Variants in ASIC5 observed in about 807,000 individuals in gnomAD.
ASIC5 encodes the protein bile acid-sensitive ion channel.
In ASIC5, 52 loss-of-function variants were observed where a neutral mutation model predicts 51.2. The ratio of observed to expected loss-of-function variants is 1.02; its 90% CI spans 0.81 to 1.28. The LOEUF (loss-of-function observed/expected upper bound fraction) is 1.28. ASIC5 is among the 50% of genes most tolerant of loss of function. The probability of loss-of-function intolerance (pLI) is 0.00; values close to 1 mark genes in which losing one functional copy is unlikely to be tolerated. For synonymous variants in ASIC5, 231 were observed against 200.7 expected (o/e 1.15, Z -1.28); for missense variants, 635 against 595.0 (o/e 1.07, Z -0.70).
intron 6 of ASIC5, among the ~76,000 whole-genome samples, chr4:155,839,112 T>A (rs1741060068): frequency 6.6e-6 from 1 of 152,190 alleles, no homozygotes. Flanking sequence ...TCTGTCTATA[T>A]CACTCTAAAA....
Position 155,866,176 on chromosome 4 carries a change from T to A in ASIC5, c.40+11A>T. The A allele has an allele frequency of 6.3e-7, 1 of 1,577,158 alleles. No individual in the cohort carries two copies. Among genetic ancestry groups the A allele is most frequent in the Non-Finnish European group, 8.7e-7 (1 of 1,147,460 alleles). ...AATATTACTGCTCTGAGGAGTTCAC[T>A]CTTTACTCACCGTTCTCAGCATATA... On this transcript the variant is annotated intron_variant, in intron 1 of 9. Coordinates refer to ENST00000537611, the MANE Select transcript of ASIC5 (RefSeq NM_017419.3).
Position 155,843,831 on chromosome 4 carries a change from C to T in ASIC5, c.712-1G>A. On this transcript the variant is annotated splice_acceptor_variant, in intron 4 of 9. Transcript: ENST00000537611. LOFTEE classifies it high-confidence loss of function. Reference sequence around the variant, plus strand: ...GGGCTGGGTTATCAGTGAATGCCTCCTGAAACAAAAATATGTTTTTGCCCA... The same window carrying T: ...GGGCTGGGTTATCAGTGAATGCCTCTTGAAACAAAAATATGTTTTTGCCCA... 1 of 1,612,982 alleles carries T rather than the reference C, an allele frequency of 6.2e-7. No individual in the cohort carries two copies. The highest frequency in any genetic ancestry group is 1.1e-5 in the South Asian group (1 of 90,968).
chr4:155,856,196 C>T (rs964841093), intron 2 of ASIC5, among the ~76,000 whole-genome samples: 2 of 152,068 alleles, frequency 1.3e-5, no homozygotes, highest in Non-Finnish European at 2.9e-5. Flanking sequence ...TCTGAAGGCT[C>T]ATGTGTATAC....
At chr4:155,847,724 T>TA (rs572154753) in intron 4 of ASIC5, among the ~76,000 whole-genome samples, 10 of 150,992 alleles carry the variant, frequency 6.6e-5, no homozygotes, top group Admixed American at 2.0e-4. Flanking sequence ...TCTGTCTCAG[T>TA]AAAAAAAATA....
chr4:155,850,189 A>T (rs1336011656), intron 4 of ASIC5, among the ~76,000 whole-genome samples: 3 of 151,826 alleles, frequency 2.0e-5, no homozygotes, highest in Non-Finnish European at 4.4e-5. Context: ...CTCCCATTCT[A>T]TTTAAAGTTA....
intron 2 of ASIC5, among the ~76,000 whole-genome samples, chr4:155,859,433 G>A (rs1741637526): frequency 1.3e-5 from 2 of 151,838 alleles, no homozygotes; most frequent in African/African-American, 4.8e-5. Flanking sequence ...CATACACTTG[G>A]TATAGGGTCC....
At position 155,845,358 on chromosome 4, in the gene ASIC5, T is replaced by TA. The variant is rs200576490; in HGVS notation, c.712-1529_712-1528insT. Reference sequence around the variant, plus strand: ...AAAGGCCTTCAGGTTTTTGTGGGTTTTTTTTTTGTTTTTCTCTCCTAAGAC... The same window carrying TA: ...AAAGGCCTTCAGGTTTTTGTGGGTTTATTTTTTTGTTTTTCTCTCCTAAGAC... On this transcript the variant is annotated intron_variant, in intron 4 of 9. Coordinates refer to ENST00000537611, the MANE Select transcript of ASIC5 (RefSeq NM_017419.3). Among the ~76,000 whole-genome samples, 1,264 of 150,716 alleles carry TA rather than the reference T, an allele frequency of 8.4e-3. 13 individuals are homozygous for TA. Among genetic ancestry groups the TA allele is most frequent in the Middle Eastern group, 0.028 (8 of 290 alleles).
intron 3 of ASIC5, among the ~76,000 whole-genome samples, chr4:155,853,821 T>C (rs1741451464): frequency 6.6e-6 from 1 of 151,890 alleles, no homozygotes. Context: ...GTTTTTCTTT[T>C]GGAAGGACTA....
At chr4:155,855,300 A>C (rs1741504904) in intron 2 of ASIC5, 1 of 152,040 alleles carries the variant, frequency 6.6e-6, no homozygotes, top group African/African-American at 2.4e-5. Flanking sequence ...TAAAATTTTT[A>C]GACACCTGCC....
chr4:155,860,588 T>G (rs1741677145), intron 2 of ASIC5, among the ~76,000 whole-genome samples: 1 of 151,904 alleles, frequency 6.6e-6, no homozygotes, highest in African/African-American at 2.4e-5. Context: ...TAAACTGATA[T>G]TGTCTTAATT....
chr4:155,834,260 A>G (rs1740930455), intron 8 of ASIC5, among the ~76,000 whole-genome samples: 1 of 152,202 alleles, frequency 6.6e-6, no homozygotes, highest in African/African-American at 2.4e-5. Context: ...ATGAAGTAGC[A>G]TTTATTTCTG....
intron 2 of ASIC5, among the ~76,000 whole-genome samples, chr4:155,860,610 A>C (rs368350891): frequency 6.6e-6 from 1 of 152,008 alleles, no homozygotes; most frequent in South Asian, 2.1e-4. Flanking sequence ...TTTGTTCCCT[A>C]AGGAAGAATA....
At chr4:155,863,122 C>A (rs944625717) in intron 2 of ASIC5, among the ~76,000 whole-genome samples, 1 of 152,032 alleles carries the variant, frequency 6.6e-6, no homozygotes, top group Admixed American at 6.6e-5. Context: ...GCAGGTGGAT[C>A]GCTTCAGCCT....
At chr4:155,842,092 T>A in intron 6 of ASIC5, 115 bp downstream of exon 6, 1 of 998,496 alleles carries the variant, frequency 1.0e-6, no homozygotes, top group Non-Finnish European at 1.5e-6. Flanking sequence ...TTACACTTAA[T>A]AATACTTAAT....
chr4:155,831,785 G>A (rs373256316), intron 9 of ASIC5, 39 bp downstream of exon 9: 27 of 1,276,426 alleles, frequency 2.1e-5, no homozygotes, highest in Non-Finnish European at 2.7e-5. Flanking sequence ...AAATAAATAA[G>A]TAAATAAATA....
Position 155,838,880 on chromosome 4 carries a change from A to G in ASIC5, c.1010-11T>C. 1.3e-6 allele frequency: 2 copies of G among 1,505,536 alleles called. No individual in the cohort carries two copies. Among genetic ancestry groups the G allele is most frequent in the Admixed American group, 1.7e-5 (1 of 58,248 alleles). 93.3% of individuals were successfully genotyped at this position (1,505,536 alleles called of 1,614,324 possible). On this transcript the variant is annotated splice_polypyrimidine_tract_variant and intron_variant, in intron 6 of 9. Transcript: ENST00000537611. ...ATTCTATCCCATATCCTTAAAAATA[A>G]TAAGTGTAACATATAGAGACTTTAC...
chr4:155,851,625 A>G (rs1353563960), intron 4 of ASIC5, among the ~76,000 whole-genome samples: 2 of 152,002 alleles, frequency 1.3e-5, no homozygotes, highest in African/African-American at 2.4e-5. Flanking sequence ...AGAAAACACC[A>G]CTGCATTTCT....
Position 155,836,678 on chromosome 4 carries a change from A to G in ASIC5, c.1235+11T>C, listed in dbSNP as rs754526383. ...TTAATTATCAATAATTTAAAAGGCT[A>G]GTAAGGTTACCTGATGTATTTCCGG... On this transcript the variant is annotated intron_variant, in intron 8 of 9. Transcript: ENST00000537611. The G allele has an allele frequency of 1.9e-6, 3 of 1,559,704 alleles. No homozygotes were observed. The highest frequency in any genetic ancestry group is 1.2e-5 in the South Asian group (1 of 85,666).
chr4:155,864,819 A>G (rs1398414691), intron 1 of ASIC5: 1 of 152,126 alleles, frequency 6.6e-6, no homozygotes, highest in Admixed American at 6.6e-5. Flanking sequence ...GATGTGGTAA[A>G]TAGTAAAATA....
Sources: allele counts gnomAD v4.1 joint callset (sites outside exome capture counted in the v4.1 genomes callset), GRCh38; gene constraint gnomAD v4.1.1; transcripts MANE v1.5; gene names NCBI Gene and HGNC (gene_info 2026-07-23, HGNC 2026-07-21).